FAM200A: variants seen among roughly 807,000 people sequenced by gnomAD.
FAM200A encodes protein FAM200A.
FAM200A carries 26 observed loss-of-function variants against 44.2 expected under a neutral mutation model. That is an observed-to-expected ratio of 0.59 (90% CI 0.43 to 0.82). The LOEUF (loss-of-function observed/expected upper bound fraction) is 0.82. FAM200A is among the 40% of genes least tolerant of loss of function. The pLI is 0.00. For missense variants in FAM200A, 606 were observed against 669.5 expected (o/e 0.91, Z 1.05); for synonymous variants, 206 against 244.4 (o/e 0.84, Z 1.47).
At chr7:99,549,182 A>ATTTTTTT (rs1443044531) in intron 1 of FAM200A, among the ~76,000 whole-genome samples, 2 of 138,092 alleles carry the variant, frequency 1.4e-5, no homozygotes, top group African/African-American at 5.6e-5. Context: ...TTTCTTAAAA[A>ATTTTTTT]TAAGAAATTA....
chr7:99,550,277 A>G (rs1477694834), intron 1 of FAM200A, among the ~76,000 whole-genome samples: 2 of 151,860 alleles, frequency 1.3e-5, no homozygotes, highest in Non-Finnish European at 2.9e-5. Context: ...GGCCCAGCTA[A>G]TTTTTGTCTT....
intron 1 of FAM200A, 111 bp from the exon 2 acceptor site, chr7:99,548,617 T>G (rs1802447521): frequency 2.2e-6 from 2 of 892,334 alleles, no homozygotes; most frequent in African/African-American, 3.4e-5. Flanking sequence ...TGGTAAATGA[T>G]GAGCAACTGT....
At chr7:99,553,097 ATATTT>A (rs1413891787), upstream of FAM200A, among the ~76,000 whole-genome samples, 38 of 78,120 alleles carry the variant, frequency 4.9e-4, no homozygotes, top group African/African-American at 2.0e-3. Flanking sequence ...ATATATATAT[ATATTT>A]TTTTTTTTTT....
Position 99,547,132 on chromosome 7 carries a change from G to C in FAM200A, c.1276C>G (p.His426Asp). ...LKEIKLEILL[H>D]LTSLSQTFNY... ...AAAGTTTGAGACAAAGAAGTGAGATGCAACAATATCTCTAATTTTATTTCT... is the reference window on the plus strand; with the variant it reads ...AAAGTTTGAGACAAAGAAGTGAGATCCAACAATATCTCTAATTTTATTTCT... The change falls in exon 2 of 2, where the codon CAT becomes GAT. Residue 426 changes from histidine to aspartate, a missense_variant. Transcript: ENST00000449309. 1 of 1,546,334 alleles carries C rather than the reference G, an allele frequency of 6.5e-7. No individual in the cohort carries two copies.
At chr7:99,552,988 C>T (rs1339106839), upstream of FAM200A, among the ~76,000 whole-genome samples, 6 of 141,272 alleles carry the variant, frequency 4.2e-5, no homozygotes, top group African/African-American at 1.4e-4. Context: ...TATATATACA[C>T]ACATATATAT....
chr7:99,555,974 G>C (rs1477707850), upstream of FAM200A, among the ~76,000 whole-genome samples: 1 of 152,198 alleles, frequency 6.6e-6, no homozygotes. Context: ...TGTTGGAACA[G>C]TTTTCTCAGG....
At position 99,548,935 on chromosome 7, in the gene FAM200A, A is replaced by G. The variant is rs375996933; in HGVS notation, c.-99-429T>C. On this transcript the variant is annotated intron_variant, in intron 1 of 1. Coordinates refer to ENST00000449309, the MANE Select transcript of FAM200A (RefSeq NM_145111.4). ...GCTCTTGTTGCCCAGGCTGGAGTGCAAGGGCACGATCTCGGCTCACTGCAA... is the reference window on the plus strand; with the variant it reads ...GCTCTTGTTGCCCAGGCTGGAGTGCGAGGGCACGATCTCGGCTCACTGCAA... 8.8e-5 allele frequency among the ~76,000 whole-genome samples: 12 copies of G among 135,636 alleles called. No homozygotes were observed. In the East Asian group the frequency reaches 2.5e-3, roughly 28 times the overall value. The allele number at this position is 135,636 out of a possible 152,430, so 89.0% of individuals were successfully genotyped here.
upstream of FAM200A, among the ~76,000 whole-genome samples, chr7:99,553,500 TG>T (rs902714955): frequency 8.5e-5 from 13 of 152,098 alleles, no homozygotes; most frequent in Admixed American, 7.9e-4. Context: ...AAACTCAAAG[TG>T]GCCTGGTGGT....
In FAM200A at chr7:99,546,703, CT is replaced by C; in HGVS notation, c.1704del (p.Ala569HisfsTer24). 1.3e-6 allele frequency: 2 copies of C among 1,528,636 alleles called. No individual in the cohort carries two copies. Among genetic ancestry groups the C allele is most frequent in the South Asian group, 1.3e-5 (1 of 79,724 alleles). The allele number at this position is 1,528,636 out of a possible 1,614,324, so 94.7% of individuals were successfully genotyped here. ...VPDWKELMNR[Q>X]AHPSH ...GTTTGTATTTAATGTGATGGGTGTG[CT>C]TGTCTGTTCATAAGTTCCTTCCAGT... On this transcript the variant is annotated frameshift_variant, in exon 2 of 2. Transcript: ENST00000449309. LOFTEE classifies it high-confidence loss of function.
At position 99,547,558 on chromosome 7, in the gene FAM200A, A is replaced by G. The variant is rs1183633239; in HGVS notation, c.850T>C (p.Phe284Leu). ...TGGTTCACTCCAATCTCTGAACAAA[A>G]TATTTCGAGAAGTCGGCTATTCAGT... is the stretch of plus-strand genomic sequence containing the variant. ...SSLNSRLLEI[F>L]CSEIGVNHTH... Residue 284 changes from phenylalanine to leucine, a missense_variant, in exon 2 of 2, where the codon TTT (phenylalanine) becomes CTT (leucine). By Grantham distance (22) the Phe-to-Leu change is conservative. Transcript: ENST00000449309. The G allele has an allele frequency of 2.6e-6, 4 of 1,550,898 alleles. No individual in the cohort carries two copies. The Admixed American group carries it at 5.9e-5, about 23-fold the overall frequency.
At chr7:99,558,473 G>C (rs1802775629) in exon 1 of FAM200A, 1 of 152,384 alleles carries the variant, frequency 6.6e-6, no homozygotes. Context: ...TGGAAAAGCT[G>C]CGAAAACGAG....
Position 99,548,067 on chromosome 7 carries a change from G to C in FAM200A, c.341C>G (p.Thr114Arg). Residue 114 changes from threonine to arginine, a missense_variant, in exon 2 of 2, where the codon ACA becomes AGA. Physicochemically the swap from Thr to Arg is moderately conservative, Grantham distance 71. Coordinates refer to ENST00000449309, the MANE Select transcript of FAM200A (RefSeq NM_145111.4). ...KLRTIPLSDN[T>R]ISRRICTIAK... is the part of the protein sequence containing the mutation. The stretch of plus-strand genomic sequence containing the variant: ...AATCGTACAGATTCGACGAGATATT[G>C]TATTATCACTAAGAGGTATAGTTCT... The C allele has an allele frequency of 1.3e-6, 2 of 1,551,590 alleles. No homozygotes were observed. Among genetic ancestry groups the C allele is most frequent in the South Asian group, 2.4e-5 (2 of 84,048 alleles).
chr7:99,549,348 C>A lies in FAM200A; in HGVS notation c.-99-842G>T, dbSNP rs115506250. The stretch of plus-strand genomic sequence containing the variant: ...GCTTTTAGTACACTGCAATATTTCA[C>A]CATTCATGTGAGTTTAGTGGATTTA... On this transcript the variant is annotated intron_variant, in intron 1 of 1. Coordinates refer to ENST00000449309, the MANE Select transcript of FAM200A (RefSeq NM_145111.4). 2.7e-3 allele frequency among the ~76,000 whole-genome samples: 415 copies of A among 152,056 alleles called. 5 individuals are homozygous for A. The highest frequency in any genetic ancestry group is 9.4e-3 in the African/African-American group (389 of 41,478).
rs1802416593 is a variant in FAM200A at position 99,547,502 on chromosome 7, A to G, written c.906T>C (p.Arg302=). The change falls in exon 2 of 2, where the codon CGT becomes CGC. Residue 302 remains arginine, a synonymous_variant. Transcript: ENST00000449309. The part of the protein sequence containing the change: ...HTHLLFHTEV[R]WLSQGKVLSR... ...TCAATACTTTTCCTTGAGAAAGCCAACGAACTTCTGTATGAAACAATAAGT... is the reference window on the plus strand; with the variant it reads ...TCAATACTTTTCCTTGAGAAAGCCAGCGAACTTCTGTATGAAACAATAAGT... 6.5e-7 allele frequency: 1 copy of G among 1,549,590 alleles called. No individual in the cohort carries two copies. Among genetic ancestry groups the G allele is most frequent in the African/African-American group, 1.4e-5 (1 of 73,098 alleles).
chr7:99,550,411 C>T (rs987441437), intron 1 of FAM200A, among the ~76,000 whole-genome samples: 2 of 152,068 alleles, frequency 1.3e-5, no homozygotes, highest in Non-Finnish European at 2.9e-5. Context: ...ACCTGGCCAA[C>T]GAACCCCTTT....
At chr7:99,549,702 T>C (rs954384383) in intron 1 of FAM200A, among the ~76,000 whole-genome samples, 1 of 152,192 alleles carries the variant, frequency 6.6e-6, no homozygotes, top group African/African-American at 2.4e-5. Context: ...ATATACACCA[T>C]GGAATACTAT....
intron 1 of FAM200A, among the ~76,000 whole-genome samples, chr7:99,549,186 GAAA>G (rs2151129447): frequency 1.5e-5 from 2 of 131,152 alleles, no homozygotes; most frequent in East Asian, 4.2e-4. Flanking sequence ...TTAAAAATAA[GAAA>G]TTAAGCTGCA....
chr7:99,548,551 G>A, intron 1 of FAM200A, 45 bp from the exon 2 acceptor site: 1 of 1,396,220 alleles, frequency 7.2e-7, no homozygotes, highest in Non-Finnish European at 9.5e-7. Flanking sequence ...AAGCAACATG[G>A]TATTGCTGGG....
At chr7:99,549,177 T>TTTTTTTTTTTTTTTTTTTTTTTTG (rs1554394154) in intron 1 of FAM200A, among the ~76,000 whole-genome samples, 1 of 147,612 alleles carries the variant, frequency 6.8e-6, no homozygotes, top group Non-Finnish European at 1.5e-5. Flanking sequence ...TTGTATTTCT[T>TTTTTTTTTTTTTTTTTTTTTTTTG]AAAAATAAGA....
Sources: allele counts gnomAD v4.1 joint callset (sites outside exome capture counted in the v4.1 genomes callset), GRCh38; gene constraint gnomAD v4.1.1; transcripts MANE v1.5; gene names NCBI Gene and HGNC (gene_info 2026-07-23, HGNC 2026-07-21).